CORO1B: variants seen among roughly 807,000 people sequenced by gnomAD.
CORO1B encodes coronin-1B.
A neutral mutation model predicts 51.1 loss-of-function variants in CORO1B; 30 were observed. The ratio of observed to expected loss-of-function variants is 0.59; its 90% CI spans 0.44 to 0.80. CORO1B has a LOEUF of 0.80. Among genes scored for constraint, CORO1B ranks in the 30% least tolerant of loss-of-function variants. The pLI is 0.00. For synonymous variants in CORO1B, 310 were observed against 289.7 expected (o/e 1.07, Z -0.71); for missense variants, 648 against 700.4 (o/e 0.93, Z 0.84).
In CORO1B at chr11:67,442,410, A is replaced by G. The variant is rs758275676; in HGVS notation, c.201+18T>C. 4.3e-5 allele frequency: 70 copies of G among 1,611,194 alleles called. No homozygotes were observed. The highest frequency in any genetic ancestry group is 5.9e-5 in the Non-Finnish European group (70 of 1,178,928). ...TGGCCGAGGTGCCTCCTCTTCCCCC[A>G]ACCCTGACAGGACCCACCTTGCTTA... On this transcript the variant is annotated intron_variant, in intron 2 of 10. Transcript: ENST00000341356.
chr11:67,441,560 G>A (rs1864394748), intron 4 of CORO1B, 46 bp from the exon 5 acceptor site: 5 of 1,588,830 alleles, frequency 3.1e-6, no homozygotes, highest in Non-Finnish European at 3.4e-6. Context: ...GTGGCAGGAG[G>A]CCATTAGCTC....
At chr11:67,441,076 C>G in intron 6 of CORO1B, 49 bp downstream of exon 6, 1 of 1,612,324 alleles carries the variant, frequency 6.2e-7, no homozygotes, top group Non-Finnish European at 8.5e-7. Context: ...CTGCCTGGCC[C>G]AGGGTGGGGC....
intron 3 of CORO1B, 30 bp downstream of exon 3, chr11:67,441,936 G>A (rs768624407): frequency 7.4e-6 from 12 of 1,612,750 alleles, no homozygotes; most frequent in African/African-American, 1.3e-5. Flanking sequence ...CCACACCCAC[G>A]ACCCTGGCCC....
chr11:67,438,277 A>G lies in CORO1B; in HGVS notation c.*99T>C. ...TGGGAACTGACCCCTGCGCTGCCTC[A>G]GAGGCTCTGGGCAGCCAGCTAGCCC... On this transcript the variant is annotated 3_prime_UTR_variant, in exon 11 of 11. Coordinates refer to ENST00000341356, the MANE Select transcript of CORO1B (RefSeq NM_020441.3). 1.3e-6 allele frequency: 2 copies of G among 1,487,796 alleles called. No individual in the cohort carries two copies. Among genetic ancestry groups the G allele is most frequent in the Admixed American group, 4.0e-5 (2 of 50,394 alleles). 92.2% of individuals were successfully genotyped at this position (1,487,796 alleles called of 1,614,324 possible). A position where few individuals can be genotyped will look rare whatever the true frequency, so the allele number is the denominator to read the frequency against.
chr11:67,440,965 G>A, intron 6 of CORO1B, 160 bp downstream of exon 6: 1 of 1,013,304 alleles, frequency 9.9e-7, no homozygotes, highest in Non-Finnish European at 1.5e-6. Flanking sequence ...CGGGCGAGCA[G>A]GGGGCAGGAG....
At chr11:67,440,001 T>A in intron 8 of CORO1B, 117 bp downstream of exon 8, 1 of 1,492,492 alleles carries the variant, frequency 6.7e-7, no homozygotes. Flanking sequence ...TCGTGACAGT[T>A]CTCATGGCCC....
In CORO1B at chr11:67,436,178, C is replaced by T. The variant is rs374490760; in HGVS notation, c.*2198G>A. ...CGGGTGGTAGTAGCCCCCTGAGTCA[C>T]GGCTGAGGCGGCGCCAGGCCAGTGC... On this transcript the variant is annotated 3_prime_UTR_variant, in exon 11 of 11. Transcript: ENST00000341356. 148 of 1,556,078 alleles carry T rather than the reference C, an allele frequency of 9.5e-5. No homozygotes were observed. The highest frequency in any genetic ancestry group is 9.7e-5 in the Admixed American group (5 of 51,744).
Position 67,441,841 on chromosome 11 carries a change from C to T in CORO1B, c.346G>A (p.Gly116Arg), listed in dbSNP as rs763974640. ...GGCTCTGTCAGCGGGGAGGTCAGCC[C>T]GTTCTCTGGGATCTGCCACACCTGT... ...TVMVWQIPEN[G>R]LTSPLTEPVV... The change falls in exon 4 of 11, where the codon GGG (glycine) becomes AGG (arginine). Residue 116 changes from glycine to arginine, a missense_variant. By Grantham distance (125) the Gly-to-Arg change is moderately radical. Transcript: ENST00000341356. 11 of 1,613,190 alleles carry T rather than the reference C, an allele frequency of 6.8e-6. No individual in the cohort carries two copies. Among genetic ancestry groups the T allele is most frequent in the Middle Eastern group, 1.7e-4 (1 of 6,060 alleles).
chr11:67,441,985 G>C lies in CORO1B; in HGVS notation c.305C>G (p.Ser102Trp), dbSNP rs942935140. 1.9e-6 allele frequency: 3 copies of C among 1,613,090 alleles called. No individual in the cohort carries two copies. Among genetic ancestry groups the C allele is most frequent in the Non-Finnish European group, 2.5e-6 (3 of 1,180,018 alleles). ...CCTCACCATGACCGTGCAGTCCTCC[G>C]AGCCGCTGGCTATGACTTCGTCGTT... ...PHNDEVIASG[S>W]EDCTVMVWQI... The change falls in exon 3 of 11, where the codon TCG (serine) becomes TGG (tryptophan). Residue 102 changes from serine (S) to tryptophan (W), a missense_variant. Physicochemically the swap from Ser to Trp is radical, Grantham distance 177. Transcript: ENST00000341356.
chr11:67,438,642 C>CT, intron 10 of CORO1B, 29 bp downstream of exon 10: 1 of 1,514,768 alleles, frequency 6.6e-7, no homozygotes, highest in South Asian at 1.2e-5. Flanking sequence ...CTGGGGCTCC[C>CT]AGCACCACCC....
intron 2 of CORO1B, 69 bp downstream of exon 2, chr11:67,442,359 A>G (rs962872826): frequency 8.1e-6 from 12 of 1,490,400 alleles, no homozygotes; most frequent in Non-Finnish European, 1.1e-5. Context: ...GAGGGATTCA[A>G]GGTGTGCAGA....
In CORO1B at chr11:67,437,328, C is replaced by T. The variant is rs551311058; in HGVS notation, c.*1048G>A. On this transcript the variant is annotated 3_prime_UTR_variant, in exon 11 of 11. Coordinates refer to ENST00000341356, the MANE Select transcript of CORO1B (RefSeq NM_020441.3). ...GCCTCCCCCACCACCCCAGGCTGTC[C>T]GCCCAGGCTCCAGGAATGCAAGTTC... The T allele has an allele frequency of 3.1e-5, 11 of 359,702 alleles. No homozygotes were observed. The highest frequency in any genetic ancestry group is 1.5e-4 in the South Asian group (1 of 6,688). The allele number at this position is 359,702 out of a possible 1,614,324, so 22.3% of individuals were successfully genotyped here. A position where few individuals can be genotyped will look rare whatever the true frequency, so the allele number is the denominator to read the frequency against.
chr11:67,440,598 C>G, intron 6 of CORO1B, 159 bp from the exon 7 acceptor site: 1 of 732,408 alleles, frequency 1.4e-6, no homozygotes, highest in South Asian at 1.5e-5. Flanking sequence ...TGACGACCCC[C>G]ACCTGGCCCT....
chr11:67,438,523 G>T (rs1417181087), intron 10 of CORO1B, 22 bp from the exon 11 acceptor site: 2 of 1,594,638 alleles, frequency 1.3e-6, no homozygotes, highest in Non-Finnish European at 1.7e-6. Flanking sequence ...TGAAGCAGGG[G>T]TAGGGGGCGG....
intron 9 of CORO1B, among the ~76,000 whole-genome samples, chr11:67,439,397 G>A (rs781524294): frequency 1.3e-5 from 2 of 152,240 alleles, no homozygotes; most frequent in African/African-American, 4.8e-5. Context: ...CCCCACTGCA[G>A]CCAGACTCCT....
rs536852844 is a variant in CORO1B, at chr11:67,436,190, C to T, written c.*2186G>A. The T allele has an allele frequency of 1.2e-4, 189 of 1,553,638 alleles. No homozygotes were observed. Among genetic ancestry groups the T allele is most frequent in the African/African-American group, 1.6e-4 (12 of 73,570 alleles). On this transcript the variant is annotated 3_prime_UTR_variant, in exon 11 of 11. Coordinates refer to ENST00000341356, the MANE Select transcript of CORO1B (RefSeq NM_020441.3). ...GCCCCCTGAGTCACGGCTGAGGCGG[C>T]GCCAGGCCAGTGCTAGGCCAGTGGC... is the stretch of plus-strand genomic sequence containing the variant.
At position 67,436,484 on chromosome 11, in the gene CORO1B, C is replaced by G; in HGVS notation, c.*1892G>C. On this transcript the variant is annotated 3_prime_UTR_variant, in exon 11 of 11. Transcript: ENST00000341356. Reference sequence around the variant, plus strand: ...CTTGGGACAGCCAAGCAGAAAAGGCCAAGGCCTTATTTGGTCAACCAGGCT... The same window carrying G: ...CTTGGGACAGCCAAGCAGAAAAGGCGAAGGCCTTATTTGGTCAACCAGGCT... 1 of 1,073,954 alleles carries G rather than the reference C, an allele frequency of 9.3e-7. No homozygotes were observed. Among genetic ancestry groups the G allele is most frequent in the Non-Finnish European group, 1.3e-6 (1 of 787,392 alleles). 66.5% of individuals were successfully genotyped at this position (1,073,954 alleles called of 1,614,324 possible). A position where few individuals can be genotyped will look rare whatever the true frequency, so the allele number is the denominator to read the frequency against.
intron 8 of CORO1B, 69 bp downstream of exon 8, chr11:67,440,049 C>T: frequency 1.3e-6 from 2 of 1,539,614 alleles, no homozygotes; most frequent in East Asian, 2.3e-5. Context: ...TGCTCCCAAG[C>T]AGCCTCCAAT....
At chr11:67,439,036 C>T in intron 9 of CORO1B, 87 bp from the exon 10 acceptor site, 1 of 1,405,640 alleles carries the variant, frequency 7.1e-7, no homozygotes, top group Non-Finnish European at 9.5e-7. Flanking sequence ...GGCTTGCACT[C>T]TGTTAACCCA....
Sources: allele counts gnomAD v4.1 joint callset (sites outside exome capture counted in the v4.1 genomes callset), GRCh38; gene constraint gnomAD v4.1.1; transcripts MANE v1.5; gene names NCBI Gene and HGNC (gene_info 2026-07-23, HGNC 2026-07-21).